Variants in PTBP3 observed in about 807,000 individuals in gnomAD.
PTBP3 encodes the protein polypyrimidine tract binding protein 3, also known as polypyrimidine tract-binding protein 3.
PTBP3 carries 20 observed loss-of-function variants against 58.7 expected under a neutral mutation model. The ratio of observed to expected loss-of-function variants is 0.34; its 90% CI spans 0.24 to 0.50. PTBP3 has a LOEUF of 0.50. Ranked by LOEUF, PTBP3 falls within the 20% of genes least tolerant of loss-of-function variation. The probability of loss-of-function intolerance (pLI) is 0.98; values close to 1 mark genes in which losing one functional copy is unlikely to be tolerated. For missense variants in PTBP3, 509 were observed against 637.2 expected (o/e 0.80, Z 2.17); for synonymous variants, 185 against 219.8 (o/e 0.84, Z 1.40).
chr9:112,370,261 G>T, the PTBP3 span, among the ~76,000 whole-genome samples: 1 of 152,134 alleles, frequency 6.6e-6, no homozygotes, highest in Admixed American at 6.5e-5. Context: ...GGAAGTGTGG[G>T]CCAGGTGCAA....
intron 2 of PTBP3, among the ~76,000 whole-genome samples, chr9:112,283,821 C>A (rs1827986417): frequency 6.6e-6 from 1 of 152,204 alleles, no homozygotes; most frequent in South Asian, 2.1e-4. Context: ...CTCTGTGCAG[C>A]CTTGGAACTT....
At chr9:112,338,640 G>A (rs1830594758), upstream of PTBP3, among the ~76,000 whole-genome samples, 2 of 152,192 alleles carry the variant, frequency 1.3e-5, no homozygotes, top group African/African-American at 4.8e-5. Context: ...AGTCAAATAA[G>A]GTTGTAACAG....
intron 1 of PTBP3, chr9:112,298,602 C>T (rs1454631375): frequency 2.0e-6 from 1 of 503,052 alleles, no homozygotes; most frequent in Non-Finnish European, 3.9e-6. Context: ...TTAAAACCAA[C>T]CTATTTTAAA....
intron 6 of PTBP3, among the ~76,000 whole-genome samples, chr9:112,251,398 A>G (rs1358818128): frequency 6.6e-6 from 1 of 152,188 alleles, no homozygotes; most frequent in African/African-American, 2.4e-5. Context: ...ACTGTCTATC[A>G]TAGAAATGTT....
In PTBP3 at chr9:112,333,617, A is replaced by G; in HGVS notation, c.-199T>C. Reference sequence around the variant, plus strand: ...CCCGGCCGGTCCGAGGTGGAAGGAGAGTGGGAACAGGGGCGGGGACCGGGC... The same window carrying G: ...CCCGGCCGGTCCGAGGTGGAAGGAGGGTGGGAACAGGGGCGGGGACCGGGC... On this transcript the variant is annotated 5_prime_UTR_variant, in exon 1 of 14. Coordinates refer to ENST00000374257, the MANE Select transcript of PTBP3 (RefSeq NM_001163788.4). The G allele has an allele frequency of 1.0e-6, 1 of 975,998 alleles. No homozygotes were observed. The highest frequency in any genetic ancestry group is 1.5e-6 in the Non-Finnish European group (1 of 655,558). The allele number at this position is 975,998 out of a possible 1,614,324, so 60.5% of individuals were successfully genotyped here. A position where few individuals can be genotyped will look rare whatever the true frequency, so the allele number is the denominator to read the frequency against.
the PTBP3 span, among the ~76,000 whole-genome samples, chr9:112,343,055 G>C: frequency 6.6e-6 from 1 of 152,172 alleles, no homozygotes; most frequent in Admixed American, 6.5e-5. Flanking sequence ...ACTCCTCAGA[G>C]AAGTTGTTGG....
At chr9:112,252,568 C>A in intron 6 of PTBP3, 110 bp downstream of exon 6, 4 of 742,280 alleles carry the variant, frequency 5.4e-6, no homozygotes, top group East Asian at 2.7e-5. Context: ...AAATGGTAAA[C>A]ATGTATATTT....
At chr9:112,367,089 T>G in the PTBP3 span, among the ~76,000 whole-genome samples, 1 of 152,242 alleles carries the variant, frequency 6.6e-6, no homozygotes, top group Non-Finnish European at 1.5e-5. Flanking sequence ...AAGTTGACAC[T>G]AGCTTAACTT....
the PTBP3 span, among the ~76,000 whole-genome samples, chr9:112,345,097 C>T: frequency 6.6e-6 from 1 of 151,866 alleles, no homozygotes; most frequent in African/African-American, 2.4e-5. Context: ...GACACCATTG[C>T]ACAGCAAAAA....
intron 1 of PTBP3, among the ~76,000 whole-genome samples, chr9:112,324,144 GA>G (rs891546729): frequency 3.2e-4 from 48 of 149,378 alleles, no homozygotes; most frequent in African/African-American, 1.0e-3. Context: ...AAAAGGAAAA[GA>G]AAAAAAAAGA....
At chr9:112,319,263 A>C (rs1393615960) in intron 1 of PTBP3, among the ~76,000 whole-genome samples, 1 of 151,792 alleles carries the variant, frequency 6.6e-6, no homozygotes, top group Non-Finnish European at 1.5e-5. Context: ...CACAGCCAGG[A>C]GCAGTAGCCC....
the PTBP3 span, among the ~76,000 whole-genome samples, chr9:112,376,178 T>TATATATATATATATA: frequency 1.5e-5 from 2 of 133,470 alleles, no homozygotes; most frequent in African/African-American, 5.7e-5. Context: ...TATATATATA[T>TATATATATATATATA]CCTATTACTT....
chr9:112,231,556 A>G, intron 9 of PTBP3, 143 bp from the exon 10 acceptor site: 1 of 605,764 alleles, frequency 1.7e-6, no homozygotes, highest in Non-Finnish European at 2.7e-6. Context: ...ATGAATTTTA[A>G]TAGAAGTTCT....
the PTBP3 span, among the ~76,000 whole-genome samples, chr9:112,348,043 C>G: frequency 6.6e-6 from 1 of 152,238 alleles, no homozygotes; most frequent in South Asian, 2.1e-4. Context: ...CTCAGCACCA[C>G]TGACATTTTT....
At chr9:112,309,740 A>T (rs902010426) in intron 1 of PTBP3, among the ~76,000 whole-genome samples, 6 of 151,588 alleles carry the variant, frequency 4.0e-5, no homozygotes, top group Non-Finnish European at 4.4e-5. Flanking sequence ...GTGAGCTGAG[A>T]TTGTGCCACT....
the PTBP3 span, among the ~76,000 whole-genome samples, chr9:112,364,177 C>CTTTTTTT: frequency 6.8e-5 from 5 of 73,530 alleles, no homozygotes; most frequent in African/African-American, 2.2e-4. Context: ...TAGGTCAGTT[C>CTTTTTTT]TTTTTTTTTT....
rs757674357 is a variant in PTBP3 at position 112,268,164 on chromosome 9, G to A, written c.236C>T (p.Ala79Val). The A allele has an allele frequency of 6.2e-7, 1 of 1,611,100 alleles. No individual in the cohort carries two copies. The highest frequency in any genetic ancestry group is 8.5e-7 in the Non-Finnish European group (1 of 1,179,296). ...AGTGTAATAATTCACCATAGTAACGGCAGCTTCCTCAGAAGCCATTTCTAA... is the reference window on the plus strand; with the variant it reads ...AGTGTAATAATTCACCATAGTAACGACAGCTTCCTCAGAAGCCATTTCTAA... ...AFLEMASEEA[A>V]VTMVNYYTPI... Residue 79 changes from alanine to valine, a missense_variant, in exon 4 of 14, where the codon GCC (alanine) becomes GTC (valine). This residue lies in a region of PTBP3 where 212 missense variants were observed against 215.3 expected (regional missense o/e 0.98). Transcript: ENST00000374257.
At chr9:112,233,682 G>C (rs1161860330) in intron 8 of PTBP3, among the ~76,000 whole-genome samples, 1 of 152,080 alleles carries the variant, frequency 6.6e-6, no homozygotes, top group Non-Finnish European at 1.5e-5. Flanking sequence ...TTTAATCCCA[G>C]CACTTTGGGA....
In PTBP3 at chr9:112,248,543, A is replaced by G. The variant is rs1835976775; in HGVS notation, c.802+2386T>C. Among the ~76,000 whole-genome samples, 4 of 152,328 alleles carry G rather than the reference A, an allele frequency of 2.6e-5. No individual in the cohort carries two copies. The South Asian group carries it at 8.3e-4, about 32-fold the overall frequency. On this transcript the variant is annotated intron_variant, in intron 7 of 13. Coordinates refer to ENST00000374257, the MANE Select transcript of PTBP3 (RefSeq NM_001163788.4). ...ATGTATGAGAGGATAAATAATAAAAATATGTCCAACCTCATTAGTAATTAG... is the reference window on the plus strand; with the variant it reads ...ATGTATGAGAGGATAAATAATAAAAGTATGTCCAACCTCATTAGTAATTAG...
Sources: allele counts gnomAD v4.1 joint callset (sites outside exome capture counted in the v4.1 genomes callset), GRCh38; gene constraint gnomAD v4.1.1; regional missense constraint gnomAD v4.1.1; transcripts MANE v1.5; gene names NCBI Gene and HGNC (gene_info 2026-07-23, HGNC 2026-07-21).